The following SNU13 variants were observed in gnomAD, a reference collection of about 807,000 sequenced individuals.
The protein encoded by SNU13 is small nuclear ribonucleoprotein 13.
SNU13 carries 2 observed loss-of-function variants against 12.4 expected under a neutral mutation model. The ratio of observed to expected loss-of-function variants is 0.16; its 90% CI spans 0.07 to 0.51. The LOEUF (loss-of-function observed/expected upper bound fraction) is 0.51, where lower values mean the gene tolerates loss of function less well. SNU13 is among the 20% of genes least tolerant of loss of function. SNU13 has a pLI of 0.96. For synonymous variants in SNU13, 68 were observed against 66.5 expected, an observed-to-expected ratio of 1.02 and a Z score of -0.11; for missense variants, 66 against 157.8, an observed-to-expected ratio of 0.42 and a Z score of 3.12.
chr22:41,676,152 T>C (rs576108038), intron 2 of SNU13, among the ~76,000 whole-genome samples: 2 of 152,168 alleles, frequency 1.3e-5, no homozygotes, highest in Non-Finnish European at 2.9e-5. Context: ...TAATATAGTA[T>C]TTCTCAAGGT....
chr22:41,680,484 A>G, intron 1 of SNU13, 120 bp from the exon 2 acceptor site: 1 of 961,040 alleles, frequency 1.0e-6, no homozygotes, highest in East Asian at 2.6e-5. Context: ...TAACCCTCAA[A>G]CACACAAAAC....
upstream of SNU13, among the ~76,000 whole-genome samples, chr22:41,690,004 C>T (rs2068347392): frequency 6.6e-6 from 1 of 152,046 alleles, no homozygotes; most frequent in East Asian, 1.9e-4. Flanking sequence ...AAATTCCAGC[C>T]ACTAAACAGT....
At chr22:41,683,838 G>C (rs1305800410) in intron 1 of SNU13, among the ~76,000 whole-genome samples, 1 of 152,126 alleles carries the variant, frequency 6.6e-6, no homozygotes, top group Non-Finnish European at 1.5e-5. Context: ...TAAATATCCA[G>C]GGTTTGTTGT....
At chr22:41,682,405 G>C in intron 1 of SNU13, 3 of 1,613,674 alleles carry the variant, frequency 1.9e-6, no homozygotes, top group East Asian at 2.2e-5. Context: ...AGGATACCAC[G>C]CGTGTCGGTT....
intron 1 of SNU13, chr22:41,682,307 C>G: frequency 6.4e-7 from 1 of 1,569,682 alleles, no homozygotes. Context: ...CGCGGCACCA[C>G]AGCTCTCGGG....
intron 1 of SNU13, among the ~76,000 whole-genome samples, chr22:41,686,918 C>T (rs2068315671): frequency 6.6e-6 from 1 of 151,650 alleles, no homozygotes; most frequent in Non-Finnish European, 1.5e-5. Context: ...AGCCACCGTG[C>T]CCAGCTGGAA....
At chr22:41,685,284 T>G (rs1259584338) in intron 1 of SNU13, among the ~76,000 whole-genome samples, 1 of 152,006 alleles carries the variant, frequency 6.6e-6, no homozygotes, top group Non-Finnish European at 1.5e-5. Context: ...CAAGCGATCC[T>G]CCTGCCTCAG....
chr22:41,689,014 T>C (rs1202727704), upstream of SNU13: 2 of 1,318,252 alleles, frequency 1.5e-6, no homozygotes, highest in Non-Finnish European at 2.0e-6. Context: ...TTTGGCGTTC[T>C]TATGAGCTGC....
intron 1 of SNU13, chr22:41,687,747 G>A (rs1032721334): frequency 1.3e-5 from 2 of 152,226 alleles, no homozygotes; most frequent in African/African-American, 4.8e-5. Context: ...AGGACTAGAT[G>A]TTTACCATGC....
chr22:41,684,279 G>C (rs1361001006), intron 1 of SNU13, among the ~76,000 whole-genome samples: 2 of 152,180 alleles, frequency 1.3e-5, no homozygotes, highest in Non-Finnish European at 2.9e-5. Flanking sequence ...CTTCGGAAAG[G>C]AAAAGACCCA....
upstream of SNU13, chr22:41,688,896 T>G: frequency 6.7e-7 from 1 of 1,482,932 alleles, no homozygotes; most frequent in Non-Finnish European, 9.1e-7. Flanking sequence ...GCAGCGGAAA[T>G]GGCCCCGCGC....
intron 1 of SNU13, chr22:41,688,279 CGT>C (rs1464814805): frequency 6.5e-6 from 1 of 152,732 alleles, no homozygotes; most frequent in Non-Finnish European, 1.5e-5. Flanking sequence ...GTCCCTGGCG[CGT>C]GTGACTCGCG....
In SNU13 at chr22:41,674,840, G is replaced by A; in HGVS notation, c.*93C>T. The A allele has an allele frequency of 6.8e-7, 1 of 1,476,642 alleles. No homozygotes were observed. The highest frequency in any genetic ancestry group is 2.1e-5 in the Admixed American group (1 of 48,408). 91.5% of individuals were successfully genotyped at this position (1,476,642 alleles called of 1,614,324 possible). ...TAGTACTACATTTTATAACAATAGAGAGTAGCTGAAAATACTACATGCTAA... is the reference window on the plus strand; with the variant it reads ...TAGTACTACATTTTATAACAATAGAAAGTAGCTGAAAATACTACATGCTAA... On this transcript the variant is annotated 3_prime_UTR_variant, in exon 3 of 3. Coordinates refer to ENST00000401959, the MANE Select transcript of SNU13 (RefSeq NM_001003796.2).
chr22:41,678,399 G>A lies in SNU13; in HGVS notation c.124+1845C>T, dbSNP rs376062799. Among the ~76,000 whole-genome samples the A allele has an allele frequency of 9.2e-5, 14 of 152,046 alleles. No homozygotes were observed. In the East Asian group the frequency reaches 1.3e-3, roughly 15 times the overall value. ...TCATCAGCATATATACATGCGCCTG[G>A]CACATAGCAGGCAATCAATAAATAT... On this transcript the variant is annotated intron_variant, in intron 2 of 2. Coordinates refer to ENST00000401959, the MANE Select transcript of SNU13 (RefSeq NM_001003796.2).
chr22:41,675,000 T>C lies in SNU13; in HGVS notation c.320A>G (p.Lys107Arg). Residue 107 changes from lysine to arginine, a missense_variant, in exon 3 of 3, where the codon AAA becomes AGA. By Grantham distance (26) the Lys-to-Arg change is conservative. Coordinates refer to ENST00000401959, the MANE Select transcript of SNU13 (RefSeq NM_001003796.2). ...RPVIACSVTI[K>R]EGSQLKQQIQ... is the part of the protein sequence containing the mutation. ...CTGCTGTTTCAGCTGCGAGCCTTCT[T>C]TGATGGTGACAGAACAGGCGATGAC... 1 of 1,614,140 alleles carries C rather than the reference T, an allele frequency of 6.2e-7. No homozygotes were observed. The highest frequency in any genetic ancestry group is 1.3e-5 in the African/African-American group (1 of 75,030).
rs369426706 is a variant in SNU13, at chr22:41,675,110, C to A, written c.210G>T (p.Pro70=). Residue 70 remains proline (P), a synonymous_variant, in exon 3 of 3, where the codon CCG becomes CCT. Coordinates refer to ENST00000401959, the MANE Select transcript of SNU13 (RefSeq NM_001003796.2). ...GCACATTCTTGTCTTCACACAGCAGCGGCAGGTGCAGAATGATCTCCAGTG... is the reference window on the plus strand; with the variant it reads ...GCACATTCTTGTCTTCACACAGCAGAGGCAGGTGCAGAATGATCTCCAGTG... ...AEPLEIILHL[P]LLCEDKNVPY... is the part of the protein sequence containing the mutation. 4 of 1,614,142 alleles carry A rather than the reference C, an allele frequency of 2.5e-6. No individual in the cohort carries two copies. The highest frequency in any genetic ancestry group is 2.5e-6 in the Non-Finnish European group (3 of 1,180,004).
At chr22:41,680,956 C>T (rs1315721282) in intron 1 of SNU13, among the ~76,000 whole-genome samples, 2 of 152,110 alleles carry the variant, frequency 1.3e-5, no homozygotes, top group South Asian at 2.1e-4. Context: ...TTTGGGCGGC[C>T]GAGGCGGGTG....
chr22:41,675,354 A>G (rs2068202980), intron 2 of SNU13, among the ~76,000 whole-genome samples, 159 bp from the exon 3 acceptor site: 1 of 152,048 alleles, frequency 6.6e-6, no homozygotes, highest in Non-Finnish European at 1.5e-5. Context: ...ACACAATGGC[A>G]TTTTCTCAAG....
upstream of SNU13, chr22:41,690,334 A>G: frequency 7.1e-6 from 5 of 705,554 alleles, no homozygotes; most frequent in Admixed American, 2.0e-5. Flanking sequence ...ACCCCATCAC[A>G]CATTCAGGGA....
Sources: gnomAD v4.1 joint callset for allele counts (sites outside exome capture counted in the v4.1 genomes callset) on GRCh38, gnomAD v4.1.1 for gene constraint, MANE v1.5 for transcripts, NCBI Gene and HGNC (gene_info 2026-07-23, HGNC 2026-07-21) for gene names.